The following CCDC91 variants were observed in gnomAD, a reference collection of about 807,000 sequenced individuals.
CCDC91 encodes the protein coiled-coil domain containing 91.
CCDC91 carries 48 observed loss-of-function variants against 63.2 expected under a neutral mutation model. The ratio of observed to expected loss-of-function variants is 0.76; its 90% CI spans 0.60 to 0.97. CCDC91 has a LOEUF of 0.97. CCDC91 is among the 50% of genes least tolerant of loss of function. CCDC91 has a pLI of 0.00. For synonymous variants in CCDC91, 167 were observed against 165.8 expected (o/e 1.01, Z -0.06); for missense variants, 500 against 494.6 (o/e 1.01, Z -0.10).
chr12:28,533,664 G>A (rs1941923544), intron 12 of CCDC91, among the ~76,000 whole-genome samples: 1 of 151,878 alleles, frequency 6.6e-6, no homozygotes, highest in Non-Finnish European at 1.5e-5. Flanking sequence ...CTCTTTATAA[G>A]TCAAAAATAC....
chr12:28,385,267 C>G (rs937139668), intron 7 of CCDC91, among the ~76,000 whole-genome samples: 1 of 152,024 alleles, frequency 6.6e-6, no homozygotes, highest in Non-Finnish European at 1.5e-5. Context: ...TCAAGCTAAA[C>G]TAAGTGTATA....
chr12:28,400,912 G>A (rs771030606), intron 8 of CCDC91, among the ~76,000 whole-genome samples: 35 of 152,252 alleles, frequency 2.3e-4, no homozygotes, highest in Non-Finnish European at 4.6e-4. Flanking sequence ...TTTGGTCAAA[G>A]CCATTAAGTA....
At chr12:28,499,913 T>C (rs905331953) in intron 12 of CCDC91, among the ~76,000 whole-genome samples, 6 of 152,196 alleles carry the variant, frequency 3.9e-5, no homozygotes, top group African/African-American at 1.4e-4. Context: ...TCTTGAGGAA[T>C]CGCCACACTG....
chr12:28,484,087 A>C lies in CCDC91; in HGVS notation c.1137A>C (p.Lys379Asn), dbSNP rs1760402057. 6.2e-7 allele frequency: 1 copy of C among 1,611,712 alleles called. No individual in the cohort carries two copies. The highest frequency in any genetic ancestry group is 1.7e-5 in the Admixed American group (1 of 59,818). The change falls in exon 12 of 13, where the codon AAA (lysine) becomes AAC (asparagine). Residue 379 changes from lysine (K) to asparagine (N), a missense_variant. By Grantham distance (94) the Lys-to-Asn change is moderately conservative (BLOSUM62 0). Transcript: ENST00000536442. ...TVKAAIIEEQ[K>N]RSEKAVEEAV... is the part of the protein sequence containing the mutation. ...AGGCAGCAATAATAGAAGAGCAGAA[A>C]CGAAGTGAAAAGGCTGTGGAAGAGG...
chr12:28,486,005 T>A lies in CCDC91; in HGVS notation c.1215+1840T>A, dbSNP rs575241372. Among the ~76,000 whole-genome samples the A allele has an allele frequency of 6.6e-5, 10 of 152,272 alleles. 1 individual carries two copies. In the East Asian group the frequency reaches 1.9e-3, roughly 29 times the overall value. Reference sequence around the variant, plus strand: ...TGTTAGTAAGAACACTTAACATGAGTTCTTCCTCTTAAAATTTTAAGTCTA... The same window carrying A: ...TGTTAGTAAGAACACTTAACATGAGATCTTCCTCTTAAAATTTTAAGTCTA... On this transcript the variant is annotated intron_variant, in intron 12 of 12. Coordinates refer to ENST00000536442, the MANE Select transcript of CCDC91 (RefSeq NM_018318.5).
intron 3 of CCDC91, among the ~76,000 whole-genome samples, chr12:28,303,716 C>T (rs1938340321): frequency 6.6e-6 from 1 of 152,054 alleles, no homozygotes; most frequent in African/African-American, 2.4e-5. Flanking sequence ...ACAATTTCAA[C>T]CTTATCAGCA....
chr12:28,332,194 C>G (rs775502592), intron 6 of CCDC91, among the ~76,000 whole-genome samples: 9 of 152,078 alleles, frequency 5.9e-5, no homozygotes, highest in South Asian at 4.1e-4. Context: ...GACATAGGAA[C>G]AGGTAAATCA....
intron 8 of CCDC91, among the ~76,000 whole-genome samples, chr12:28,448,622 G>A (rs1167049184): frequency 6.6e-6 from 1 of 152,040 alleles, no homozygotes; most frequent in Non-Finnish European, 1.5e-5. Flanking sequence ...GAATTACTTA[G>A]TGATTTCTAT....
At chr12:28,420,751 T>C (rs1947954877) in intron 8 of CCDC91, among the ~76,000 whole-genome samples, 1 of 150,770 alleles carries the variant, frequency 6.6e-6, no homozygotes, top group Non-Finnish European at 1.5e-5. Flanking sequence ...AGGTGTGCAT[T>C]TTATGGTTTT....
chr12:28,233,227 T>C (rs1257851872), intron 1 of CCDC91, among the ~76,000 whole-genome samples: 1 of 152,094 alleles, frequency 6.6e-6, no homozygotes, highest in Non-Finnish European at 1.5e-5. Flanking sequence ...TCATTCCCCT[T>C]GTAGTCTATC....
At chr12:28,466,407 G>A (rs1019824362) in intron 11 of CCDC91, among the ~76,000 whole-genome samples, 7 of 152,066 alleles carry the variant, frequency 4.6e-5, no homozygotes, top group Non-Finnish European at 1.0e-4. Flanking sequence ...TACACCTCAA[G>A]GCATTTAATA....
At chr12:28,454,371 G>A (rs60703205) in intron 11 of CCDC91, among the ~76,000 whole-genome samples, 31,157 of 152,066 alleles carry the variant, frequency 0.2, 4,189 homozygotes, top group Non-Finnish European at 0.3. Context: ...AATCCAAACT[G>A]CTGTGTTTGT....
chr12:28,549,020 A>ATT, intron 12 of CCDC91, 43 bp from the exon 13 acceptor site: 2 of 1,298,500 alleles, frequency 1.5e-6, no homozygotes, highest in Non-Finnish European at 2.2e-6. Context: ...TCAACTCAGT[A>ATT]TTTTTTTTTC....
chr12:28,380,100 C>T (rs1485971928), intron 7 of CCDC91, among the ~76,000 whole-genome samples: 1 of 151,998 alleles, frequency 6.6e-6, no homozygotes, highest in Non-Finnish European at 1.5e-5. Flanking sequence ...CGCATGTTTT[C>T]ACTCATAGGT....
At chr12:28,516,108 T>C (rs1359917696) in intron 12 of CCDC91, among the ~76,000 whole-genome samples, 4 of 151,972 alleles carry the variant, frequency 2.6e-5, no homozygotes, top group Non-Finnish European at 5.9e-5. Flanking sequence ...TCATCAGTAA[T>C]GTGCTCAGAC....
At chr12:28,285,346 TA>T in intron 3 of CCDC91, among the ~76,000 whole-genome samples, 1 of 152,124 alleles carries the variant, frequency 6.6e-6, no homozygotes, top group Non-Finnish European at 1.5e-5. Context: ...ATATTGAGAA[TA>T]AATCCACCTC....
chr12:28,396,559 G>C (rs1946296811), intron 8 of CCDC91, among the ~76,000 whole-genome samples: 1 of 151,784 alleles, frequency 6.6e-6, no homozygotes, highest in African/African-American at 2.4e-5. Context: ...GATTTTGATG[G>C]TTTTGAGTGA....
chr12:28,522,443 G>A (rs186974593), intron 12 of CCDC91, among the ~76,000 whole-genome samples: 51 of 151,926 alleles, frequency 3.4e-4, no homozygotes, highest in African/African-American at 6.5e-4. Context: ...TTTTTATTGC[G>A]TCTATTTGAT....
rs147745924 is a variant in CCDC91, at chr12:28,251,501, A to G, written c.-14-5701A>G. On this transcript the variant is annotated intron_variant, in intron 1 of 12. Transcript: ENST00000536442. ...AAAACTTTCTTGAGTTTTTCTCAGA[A>G]TATTTTGATAGAACTAATAGGTAGC... Among the ~76,000 whole-genome samples, 919 of 152,174 alleles carry G rather than the reference A, an allele frequency of 6.0e-3. 9 individuals are homozygous for G. The highest frequency in any genetic ancestry group is 0.021 in the African/African-American group (873 of 41,552).
Sources: allele counts gnomAD v4.1 joint callset (sites outside exome capture counted in the v4.1 genomes callset), GRCh38; gene constraint gnomAD v4.1.1; transcripts MANE v1.5; gene names NCBI Gene and HGNC (gene_info 2026-07-23, HGNC 2026-07-21).